The following ARHGEF3 variants were observed in gnomAD, a reference collection of about 807,000 sequenced individuals.
ARHGEF3 encodes the protein Rho guanine nucleotide exchange factor 3.
ARHGEF3 carries 28 observed loss-of-function variants against 63.2 expected under a neutral mutation model. The observed-to-expected ratio is 0.44, with a 90% CI of 0.33 to 0.61. ARHGEF3 has a LOEUF of 0.61. Among genes scored for constraint, ARHGEF3 ranks in the 20% least tolerant of loss-of-function variants. ARHGEF3 has a pLI of 0.03. For synonymous variants in ARHGEF3, 266 were observed against 254.2 expected, an observed-to-expected ratio of 1.05 and a Z score of -0.44; for missense variants, 533 against 659.3, an observed-to-expected ratio of 0.81 and a Z score of 2.10.
chr3:56,883,970 G>A lies in ARHGEF3; in HGVS notation c.130-1616C>T, dbSNP rs1424830118. Among the ~76,000 whole-genome samples the A allele has an allele frequency of 3.9e-5, 6 of 152,232 alleles. No homozygotes were observed. The East Asian group carries it at 1.2e-3, about 29-fold the overall frequency. ...TTTCACTTCAATTTAACAAAGGTTT[G>A]TTGAGCATTTACTATGTGCTGGGCC... On this transcript the variant is annotated intron_variant, in intron 3 of 12. Coordinates refer to the ARHGEF3 transcript ENST00000338458.
At chr3:56,911,556 C>T (rs983905306) in intron 3 of ARHGEF3, among the ~76,000 whole-genome samples, 3 of 151,980 alleles carry the variant, frequency 2.0e-5, no homozygotes, top group Non-Finnish European at 2.9e-5. Flanking sequence ...TTGCCCGCTC[C>T]GAGTCACACG....
chr3:56,909,112 G>T (rs1307656546), intron 3 of ARHGEF3, among the ~76,000 whole-genome samples: 5 of 152,220 alleles, frequency 3.3e-5, no homozygotes, highest in African/African-American at 1.2e-4. Flanking sequence ...TTAAGAGAGA[G>T]AAAGAAGGAG....
chr3:56,745,822 C>T (rs973629788), intron 6 of ARHGEF3, among the ~76,000 whole-genome samples: 1 of 152,178 alleles, frequency 6.6e-6, no homozygotes, highest in Non-Finnish European at 1.5e-5. Flanking sequence ...CAGGCGCCCG[C>T]CACCATGCCC....
intron 3 of ARHGEF3, among the ~76,000 whole-genome samples, chr3:56,900,777 T>G (rs1015151517): frequency 1.3e-5 from 2 of 152,240 alleles, no homozygotes; most frequent in Non-Finnish European, 2.9e-5. Flanking sequence ...TGATGTTATC[T>G]TTTTCTTACC....
At chr3:57,042,932 C>T (rs139828041) in intron 1 of ARHGEF3, among the ~76,000 whole-genome samples, 2,883 of 151,166 alleles carry the variant, frequency 0.019, 90 homozygotes, top group African/African-American at 0.065. Context: ...CTCCTGACCT[C>T]GTGATCTGCC....
chr3:56,880,646 T>C (rs1326492716), intron 4 of ARHGEF3, among the ~76,000 whole-genome samples: 1 of 152,194 alleles, frequency 6.6e-6, no homozygotes. Flanking sequence ...GGGACTGGAA[T>C]ACATACATGG....
intron 4 of ARHGEF3, among the ~76,000 whole-genome samples, chr3:56,830,356 A>G (rs2038888518): frequency 6.6e-6 from 1 of 152,068 alleles, no homozygotes; most frequent in African/African-American, 2.4e-5. Flanking sequence ...ATATTACCAC[A>G]TTTCATGCAA....
At chr3:56,762,033 A>T (rs1025108448) in intron 2 of ARHGEF3, among the ~76,000 whole-genome samples, 3 of 152,134 alleles carry the variant, frequency 2.0e-5, no homozygotes, top group Non-Finnish European at 2.9e-5. Context: ...TCTCCTGTGC[A>T]TTGTAGGATA....
chr3:56,979,919 C>G (rs1701261415), intron 2 of ARHGEF3, among the ~76,000 whole-genome samples: 1 of 152,156 alleles, frequency 6.6e-6, no homozygotes, highest in African/African-American at 2.4e-5. Flanking sequence ...AGTGAGACTA[C>G]TGACGGTGGT....
chr3:56,772,601 T>A (rs1220076007), intron 2 of ARHGEF3, among the ~76,000 whole-genome samples: 1 of 152,238 alleles, frequency 6.6e-6, no homozygotes, highest in African/African-American at 2.4e-5. Flanking sequence ...ATTATCAAAT[T>A]GGTCCAAGGG....
intron 3 of ARHGEF3, among the ~76,000 whole-genome samples, chr3:56,935,411 G>A (rs2042534541): frequency 6.6e-6 from 1 of 152,214 alleles, no homozygotes; most frequent in South Asian, 2.1e-4. Context: ...GCCCTAGCCA[G>A]CAGCGGCAAC....
At chr3:56,935,224 T>A (rs2042528074) in intron 3 of ARHGEF3, among the ~76,000 whole-genome samples, 1 of 152,168 alleles carries the variant, frequency 6.6e-6, no homozygotes, top group Non-Finnish European at 1.5e-5. Context: ...TGGTGGGGCC[T>A]TGGAGAACCT....
intron 3 of ARHGEF3, among the ~76,000 whole-genome samples, chr3:56,947,773 C>G (rs1049560249): frequency 6.6e-6 from 1 of 152,128 alleles, no homozygotes; most frequent in East Asian, 1.9e-4. Flanking sequence ...CTGCACCAAG[C>G]AGACCTAACA....
chr3:56,882,371 A>T, intron 3 of ARHGEF3: 1 of 1,551,544 alleles, frequency 6.4e-7, no homozygotes, highest in Non-Finnish European at 8.7e-7. Context: ...AACAAACGAA[A>T]AAACAAAGTT....
chr3:56,788,154 T>C (rs7625636), intron 1 of ARHGEF3, among the ~76,000 whole-genome samples: 53,920 of 152,020 alleles, frequency 0.35, 10,368 homozygotes, highest in Middle Eastern at 0.6. Flanking sequence ...GTGTCCCGCT[T>C]ATGTGCCCCC....
chr3:57,035,154 T>C (rs1423045782), exon 2 of ARHGEF3: 2 of 1,525,240 alleles, frequency 1.3e-6, no homozygotes, highest in African/African-American at 2.8e-5. Flanking sequence ...GTCCATAGAC[T>C]CAGTATGGCA....
chr3:56,817,852 C>T (rs1158018638), intron 4 of ARHGEF3, among the ~76,000 whole-genome samples: 3 of 152,192 alleles, frequency 2.0e-5, no homozygotes, highest in Non-Finnish European at 2.9e-5. Flanking sequence ...CAGCATGCCC[C>T]GTACCCACAG....
intron 9 of ARHGEF3, 87 bp downstream of exon 9, chr3:56,732,151 G>C: frequency 6.7e-7 from 1 of 1,495,398 alleles, no homozygotes; most frequent in Non-Finnish European, 9.2e-7. Flanking sequence ...CAAGACCGTG[G>C]CTTTTCTCTT....
At chr3:56,841,786 A>C (rs2039315288) in intron 4 of ARHGEF3, among the ~76,000 whole-genome samples, 1 of 152,182 alleles carries the variant, frequency 6.6e-6, no homozygotes, top group Non-Finnish European at 1.5e-5. Context: ...CAAAGTATTA[A>C]TAAAAAGAGG....
Sources: allele counts gnomAD v4.1 joint callset (sites outside exome capture counted in the v4.1 genomes callset), GRCh38; gene constraint gnomAD v4.1.1; transcripts MANE v1.5; gene names NCBI Gene and HGNC (gene_info 2026-07-23, HGNC 2026-07-21).